The following LOXHD1 variants were observed in gnomAD, a reference collection of about 807,000 sequenced individuals.
LOXHD1 encodes lipoxygenase homology domain-containing protein 1.
Under a neutral mutation model 248.2 loss-of-function variants are expected in LOXHD1, and 205 were observed. The ratio of observed to expected loss-of-function variants is 0.83; its 90% CI spans 0.74 to 0.93. The LOEUF is 0.93. Among genes scored for constraint, LOXHD1 ranks in the 40% least tolerant of loss-of-function variants. LOXHD1 has a pLI of 0.00. For synonymous variants in LOXHD1, 1,113 were observed against 1,162.8 expected, an observed-to-expected ratio of 0.96 and a Z score of 0.87; for missense variants, 2,930 against 2,971.6, an observed-to-expected ratio of 0.99 and a Z score of 0.33.
intron 14 of LOXHD1, among the ~76,000 whole-genome samples, chr18:46,576,370 T>A (rs1164287124): frequency 1.3e-5 from 2 of 151,590 alleles, no homozygotes; most frequent in East Asian, 3.9e-4. Context: ...GGGTTCACAC[T>A]CCACCCTCTC....
At chr18:46,560,664 G>C in intron 18 of LOXHD1, 119 bp from the exon 19 acceptor site, 2 of 936,820 alleles carry the variant, frequency 2.1e-6, no homozygotes, top group Non-Finnish European at 3.1e-6. Context: ...AGGATGGAGA[G>C]GGCTGGGGCC....
rs2037467340 is a variant in LOXHD1 at position 46,559,606 on chromosome 18, T to C, written c.3062-4A>G. The C allele has an allele frequency of 6.4e-6, 10 of 1,551,334 alleles. No individual in the cohort carries two copies. The highest frequency in any genetic ancestry group is 8.7e-6 in the Non-Finnish European group (10 of 1,146,768). On this transcript the variant is annotated splice_polypyrimidine_tract_variant and splice_region_variant and intron_variant, in intron 19 of 40. Transcript: ENST00000642948. ...ACCTGAACCTCATAGGTGTTTCCTG[T>C]AGACACAGAAAGATGCAGTGTGGAG...
At chr18:46,542,634 A>G in intron 24 of LOXHD1, 93 bp downstream of exon 24, 6 of 1,454,956 alleles carry the variant, frequency 4.1e-6, no homozygotes, top group Non-Finnish European at 5.6e-6. Flanking sequence ...GACAGATGGC[A>G]TTCAAATTTC....
At chr18:46,625,112 C>G (rs996794009) in intron 4 of LOXHD1, among the ~76,000 whole-genome samples, 1 of 152,146 alleles carries the variant, frequency 6.6e-6, no homozygotes, top group African/African-American at 2.4e-5. Context: ...TAGATTTGGA[C>G]TCAGGGCATC....
At chr18:46,606,310 A>G (rs545032514) in intron 6 of LOXHD1, among the ~76,000 whole-genome samples, 4 of 151,556 alleles carry the variant, frequency 2.6e-5, no homozygotes, top group Non-Finnish European at 5.9e-5. Flanking sequence ...TCACAGCACT[A>G]TTTATAGTAT....
Position 46,484,744 on chromosome 18 carries a change from C to T in LOXHD1, c.6182+275G>A, listed in dbSNP as rs557817739. 1.1e-4 allele frequency among the ~76,000 whole-genome samples: 16 copies of T among 152,212 alleles called. 1 individual carries two copies. The South Asian group carries it at 2.3e-3, about 22-fold the overall frequency. ...TGGCTCTGATGGAAGGAGGTGTGGT[C>T]CTTGTCTACGTAGATGTGGGGCAAT... On this transcript the variant is annotated intron_variant, in intron 39 of 40. Coordinates refer to ENST00000642948, the MANE Select transcript of LOXHD1 (RefSeq NM_001384474.1).
At chr18:46,591,699 C>T (rs944049116) in intron 12 of LOXHD1, among the ~76,000 whole-genome samples, 2 of 152,226 alleles carry the variant, frequency 1.3e-5, no homozygotes, top group African/African-American at 4.8e-5. Context: ...CCTGAAGACC[C>T]ATACATCTTC....
In LOXHD1 at chr18:46,524,925, G is replaced by A. The variant is rs1568137583; in HGVS notation, c.4531-8C>T. Reference sequence around the variant, plus strand: ...GATGATGAAGGTGTCAGCCTGGGGAGCCCAGATGTGGGGACTCATATGGGG... The same window carrying A: ...GATGATGAAGGTGTCAGCCTGGGGAACCCAGATGTGGGGACTCATATGGGG... On this transcript the variant is annotated splice_region_variant and splice_polypyrimidine_tract_variant and intron_variant, in intron 29 of 40. Transcript: ENST00000642948. 1.9e-6 allele frequency: 3 copies of A among 1,551,560 alleles called. No individual in the cohort carries two copies. Among genetic ancestry groups the A allele is most frequent in the Admixed American group, 3.9e-5 (2 of 51,010 alleles).
chr18:46,575,152 C>A (rs1403414179), intron 14 of LOXHD1, among the ~76,000 whole-genome samples: 1 of 152,122 alleles, frequency 6.6e-6, no homozygotes, highest in Non-Finnish European at 1.5e-5. Context: ...CCCCTCAGCT[C>A]TCCCTCCCCA....
At chr18:46,520,155 C>T in intron 33 of LOXHD1, 1 of 454,428 alleles carries the variant, frequency 2.2e-6, no homozygotes. Context: ...ATAGAAAGTG[C>T]TGCTCTCTGA....
chr18:46,581,314 G>T (rs188174001), intron 12 of LOXHD1, among the ~76,000 whole-genome samples: 101 of 152,316 alleles, frequency 6.6e-4, no homozygotes, highest in African/African-American at 2.2e-3. Context: ...TGATGGATCA[G>T]ATAGGTAACT....
At chr18:46,647,828 G>A (rs915740807) in intron 2 of LOXHD1, among the ~76,000 whole-genome samples, 1 of 152,170 alleles carries the variant, frequency 6.6e-6, no homozygotes, top group African/African-American at 2.4e-5. Context: ...GAAGTGGCAG[G>A]TCATTAACCC....
chr18:46,514,216 C>T (rs1010296967), intron 34 of LOXHD1, among the ~76,000 whole-genome samples: 8 of 152,186 alleles, frequency 5.3e-5, no homozygotes, highest in Non-Finnish European at 1.0e-4. Context: ...TGCCAGTCTC[C>T]TCTTAAAGGG....
chr18:46,642,913 C>T (rs1416836270), intron 2 of LOXHD1, among the ~76,000 whole-genome samples: 1 of 152,188 alleles, frequency 6.6e-6, no homozygotes, highest in Admixed American at 6.5e-5. Context: ...TCAGCGCTCT[C>T]AGCCAGGACT....
chr18:46,533,501 G>A (rs1343898415), intron 27 of LOXHD1, among the ~76,000 whole-genome samples, 177 bp from the exon 28 acceptor site: 2 of 152,218 alleles, frequency 1.3e-5, no homozygotes, highest in South Asian at 2.1e-4. Context: ...TTAAAGACTT[G>A]CACAACCACA....
intron 5 of LOXHD1, among the ~76,000 whole-genome samples, chr18:46,617,129 G>C (rs887827464): frequency 6.6e-6 from 1 of 152,174 alleles, no homozygotes; most frequent in African/African-American, 2.4e-5. Context: ...TTCTGTACTT[G>C]AGGGAGAGGG....
chr18:46,506,719 A>G (rs1450428), intron 36 of LOXHD1, among the ~76,000 whole-genome samples: 53,851 of 152,132 alleles, frequency 0.35, 10,865 homozygotes, highest in East Asian at 0.61. Context: ...TTGACCTATC[A>G]TTTATGCCTG....
intron 33 of LOXHD1, among the ~76,000 whole-genome samples, chr18:46,520,032 C>T (rs933517626): frequency 2.0e-5 from 3 of 152,196 alleles, no homozygotes; most frequent in African/African-American, 4.8e-5. Context: ...CAGAGGCACA[C>T]ACAGGCTGGG....
At chr18:46,619,219 C>G (rs548755057) in intron 4 of LOXHD1, among the ~76,000 whole-genome samples, 24 of 152,278 alleles carry the variant, frequency 1.6e-4, no homozygotes, top group African/African-American at 5.8e-4. Context: ...GTAGCAGAAT[C>G]CTTTTTTATA....
Sources: allele counts gnomAD v4.1 joint callset (sites outside exome capture counted in the v4.1 genomes callset), GRCh38; gene constraint gnomAD v4.1.1; transcripts MANE v1.5; gene names NCBI Gene and HGNC (gene_info 2026-07-23, HGNC 2026-07-21).